LRMDA: variants seen among roughly 807,000 people sequenced by gnomAD.
The protein encoded by LRMDA is leucine rich melanocyte differentiation associated.
In LRMDA, 18 loss-of-function variants were observed where a neutral mutation model predicts 29.8. The observed-to-expected ratio is 0.60, with a 90% CI of 0.42 to 0.90. The LOEUF (loss-of-function observed/expected upper bound fraction) is 0.90, where lower values mean the gene tolerates loss of function less well. LRMDA is among the 40% of genes least tolerant of loss of function. The probability of loss-of-function intolerance (pLI) is 0.00; values close to 1 mark genes in which losing one functional copy is unlikely to be tolerated. For synonymous variants in LRMDA, 125 were observed against 109.4 expected, an observed-to-expected ratio of 1.14 and a Z score of -0.89; for missense variants, 273 against 273.9, an observed-to-expected ratio of 1.00 and a Z score of 0.02.
chr10:75,940,030 A>G (rs962257057), intron 2 of LRMDA, among the ~76,000 whole-genome samples: 5 of 152,194 alleles, frequency 3.3e-5, no homozygotes, highest in African/African-American at 1.2e-4. Context: ...TTCTGGGACT[A>G]AAATGGGAGA....
chr10:76,380,355 A>G (rs1841574689), intron 6 of LRMDA, among the ~76,000 whole-genome samples: 1 of 152,048 alleles, frequency 6.6e-6, no homozygotes, highest in South Asian at 2.1e-4. Context: ...AAAAAGTCTT[A>G]TGTTTGTGTA....
At chr10:75,630,399 G>T (rs1276726369) in intron 2 of LRMDA, among the ~76,000 whole-genome samples, 3 of 152,178 alleles carry the variant, frequency 2.0e-5, no homozygotes, top group African/African-American at 7.2e-5. Context: ...TACCAAGATG[G>T]CCTCTCCATC....
chr10:76,496,122 G>T lies in LRMDA; in HGVS notation c.602-61087G>T, dbSNP rs1304174006. The stretch of plus-strand genomic sequence containing the variant: ...TGCCTTTCTGGGTCTTGTACCCAGT[G>T]CACCATGGTTTACTAGATTTTCCAC... On this transcript the variant is annotated intron_variant, in intron 6 of 6. Coordinates refer to ENST00000611255, the MANE Select transcript of LRMDA (RefSeq NM_001305581.2). Among the ~76,000 whole-genome samples, 27 of 75,278 alleles carry T rather than the reference G, an allele frequency of 3.6e-4. 11 individuals are homozygous for T. 49.4% of individuals were successfully genotyped at this position (75,278 alleles called of 152,430 possible).
At chr10:75,530,772 G>C (rs940017577) in intron 2 of LRMDA, among the ~76,000 whole-genome samples, 3 of 152,130 alleles carry the variant, frequency 2.0e-5, no homozygotes, top group Admixed American at 2.0e-4. Context: ...CACCATTCCT[G>C]AGTGGTTTTA....
chr10:76,311,648 A>C lies in LRMDA; in HGVS notation c.517-12753A>C, dbSNP rs185254125. ...TTACTACCACGATTATATTTTCCAA[A>C]GCGGCTTTTAATACAATACACAATT... is the stretch of plus-strand genomic sequence containing the variant. On this transcript the variant is annotated intron_variant, in intron 5 of 6. Transcript: ENST00000611255. 6.6e-5 allele frequency among the ~76,000 whole-genome samples: 10 copies of C among 152,268 alleles called. 1 individual carries two copies. In the East Asian group the frequency reaches 1.7e-3, roughly 26 times the overall value.
intron 5 of LRMDA, among the ~76,000 whole-genome samples, chr10:76,194,037 T>C (rs527594346): frequency 1.3e-5 from 2 of 152,138 alleles, no homozygotes; most frequent in Non-Finnish European, 2.9e-5. Context: ...TACAGAGACT[T>C]GAAGGGACAG....
intron 2 of LRMDA, among the ~76,000 whole-genome samples, chr10:75,847,854 A>G (rs890253170): frequency 1.3e-5 from 2 of 152,222 alleles, no homozygotes; most frequent in Admixed American, 6.5e-5. Context: ...AAAATAAAAA[A>G]CATGAGCTAT....
chr10:75,811,568 A>G (rs1252862525), intron 2 of LRMDA, among the ~76,000 whole-genome samples: 1 of 152,236 alleles, frequency 6.6e-6, no homozygotes, highest in Non-Finnish European at 1.5e-5. Context: ...ACTGAGATCC[A>G]GAGAGATGTT....
chr10:76,236,172 C>G (rs1206258698), intron 5 of LRMDA, among the ~76,000 whole-genome samples: 2 of 152,126 alleles, frequency 1.3e-5, no homozygotes, highest in African/African-American at 4.8e-5. Context: ...TCTAGGAAAG[C>G]CTGATGCCAT....
chr10:75,791,723 G>T (rs1228880433), intron 2 of LRMDA, among the ~76,000 whole-genome samples: 1 of 152,132 alleles, frequency 6.6e-6, no homozygotes, highest in Non-Finnish European at 1.5e-5. Flanking sequence ...CCATTACCAG[G>T]TTTGTCATCA....
intron 5 of LRMDA, among the ~76,000 whole-genome samples, chr10:76,323,747 A>G (rs1185519585): frequency 6.6e-6 from 1 of 152,220 alleles, no homozygotes. Flanking sequence ...GCGTACAGTG[A>G]AAAAGCATCA....
intron 3 of LRMDA, among the ~76,000 whole-genome samples, chr10:76,040,020 G>C (rs756459186): frequency 6.6e-6 from 1 of 152,190 alleles, no homozygotes; most frequent in African/African-American, 2.4e-5. Flanking sequence ...GTTGGGTACT[G>C]TTGGTGAATA....
chr10:75,744,087 T>C (rs531079081), intron 2 of LRMDA, among the ~76,000 whole-genome samples: 1 of 152,350 alleles, frequency 6.6e-6, no homozygotes, highest in South Asian at 2.1e-4. Context: ...CTGTTGTGTG[T>C]TGGTGACAAT....
At chr10:76,097,062 G>C (rs544375476) in intron 5 of LRMDA, among the ~76,000 whole-genome samples, 2 of 152,008 alleles carry the variant, frequency 1.3e-5, no homozygotes, top group Admixed American at 1.3e-4. Flanking sequence ...CCAGGCTGGA[G>C]TGCAGTGGCA....
intron 6 of LRMDA, among the ~76,000 whole-genome samples, chr10:76,468,279 A>G (rs930642433): frequency 6.6e-6 from 1 of 152,188 alleles, no homozygotes; most frequent in Non-Finnish European, 1.5e-5. Flanking sequence ...GTGATTTCTC[A>G]CTTCAGTCAA....
At chr10:75,800,818 G>A (rs1210227809) in intron 2 of LRMDA, among the ~76,000 whole-genome samples, 2 of 152,062 alleles carry the variant, frequency 1.3e-5, no homozygotes, top group Admixed American at 6.6e-5. Flanking sequence ...TTTCCATTGC[G>A]TTAATATGTT....
intron 5 of LRMDA, among the ~76,000 whole-genome samples, chr10:76,064,794 T>C (rs1463406866): frequency 6.6e-6 from 1 of 152,226 alleles, no homozygotes; most frequent in African/African-American, 2.4e-5. Context: ...CACAAGTACA[T>C]TCAGTTCAAC....
chr10:75,953,140 A>C (rs986298476), intron 2 of LRMDA, among the ~76,000 whole-genome samples: 4 of 151,120 alleles, frequency 2.6e-5, no homozygotes, highest in Non-Finnish European at 4.4e-5. Flanking sequence ...GGGTGTGATC[A>C]TGGCTCACTG....
intron 2 of LRMDA, among the ~76,000 whole-genome samples, chr10:75,778,067 G>A (rs1271911347): frequency 6.6e-6 from 1 of 151,924 alleles, no homozygotes; most frequent in East Asian, 1.9e-4. Flanking sequence ...CTTCCCTCTT[G>A]TCCATCTATT....
Sources: allele counts gnomAD v4.1 joint callset (sites outside exome capture counted in the v4.1 genomes callset), GRCh38; gene constraint gnomAD v4.1.1; transcripts MANE v1.5; gene names NCBI Gene and HGNC (gene_info 2026-07-23, HGNC 2026-07-21).